DLG2: variants seen among roughly 807,000 people sequenced by gnomAD.
DLG2 encodes disks large homolog 2.
In DLG2, 45 loss-of-function variants were observed where a neutral mutation model predicts 132.5. That is an observed-to-expected ratio of 0.34 (90% CI 0.27 to 0.44). The LOEUF is 0.44. Ranked by LOEUF, DLG2 falls within the 20% of genes least tolerant of loss-of-function variation. DLG2 has a pLI of 1.00. For missense variants in DLG2, 1,045 were observed against 1,196.9 expected (o/e 0.87, Z 1.87); for synonymous variants, 424 against 419.6 (o/e 1.01, Z -0.13).
rs144685101 is a variant in DLG2 at position 84,732,546 on chromosome 11, T to G, written c.358-197815A>C. 2.3e-3 allele frequency among the ~76,000 whole-genome samples: 350 copies of G among 152,120 alleles called. 3 individuals carry two copies. The highest frequency in any genetic ancestry group is 8.0e-3 in the African/African-American group (332 of 41,546). On this transcript the variant is annotated intron_variant, in intron 6 of 27. Transcript: ENST00000376104. The stretch of plus-strand genomic sequence containing the variant: ...GTTGAACATCTTTTCATGTGGTTTT[T>G]TTCCCTGCTATCTTTGGTAAAGTAT...
chr11:84,975,975 G>T (rs919895350), intron 6 of DLG2, among the ~76,000 whole-genome samples: 9 of 152,000 alleles, frequency 5.9e-5, no homozygotes, highest in Admixed American at 2.0e-4. Flanking sequence ...TCACTTTCTT[G>T]GCACCTTGCA....
At chr11:85,622,842 G>C (rs946245422) in intron 2 of DLG2, among the ~76,000 whole-genome samples, 1 of 152,052 alleles carries the variant, frequency 6.6e-6, no homozygotes, top group Admixed American at 6.6e-5. Context: ...GGTGGATAAC[G>C]AGGTCAGGAG....
Position 84,417,636 on chromosome 11 carries a change from T to C in DLG2, c.519+116934A>G, listed in dbSNP as rs192875164. Among the ~76,000 whole-genome samples the C allele has an allele frequency of 1.8e-3, 281 of 152,258 alleles. 3 individuals carry two copies. The highest frequency in any genetic ancestry group is 6.2e-3 in the African/African-American group (256 of 41,582). ...CATACCCAACCCTGACCCATGCCCA[T>C]CTTCTCTGCCCACCTTGCCCCTTTA... On this transcript the variant is annotated intron_variant, in intron 7 of 27. Coordinates refer to ENST00000376104, the MANE Select transcript of DLG2 (RefSeq NM_001142699.3).
Position 84,810,118 on chromosome 11 carries a change from T to C in DLG2, c.358-275387A>G, listed in dbSNP as rs1427007219. On this transcript the variant is annotated intron_variant, in intron 6 of 27. Transcript: ENST00000376104. ...AAAAGAAAAAACTGATAAACTGGAT[T>C]TAATCAAAATTGAAAACACTGCACT... Among the ~76,000 whole-genome samples the C allele has an allele frequency of 2.0e-5, 3 of 152,050 alleles. No individual in the cohort carries two copies. The East Asian group carries it at 5.8e-4, about 29-fold the overall frequency.
At chr11:84,669,533 T>G (rs115559774) in intron 6 of DLG2, among the ~76,000 whole-genome samples, 1 of 152,224 alleles carries the variant, frequency 6.6e-6, no homozygotes, top group African/African-American at 2.4e-5. Flanking sequence ...ACTCCTTCAC[T>G]TCTTTTGACA....
chr11:84,796,301 C>T (rs1304224579), intron 6 of DLG2, among the ~76,000 whole-genome samples: 1 of 152,046 alleles, frequency 6.6e-6, no homozygotes, highest in Non-Finnish European at 1.5e-5. Flanking sequence ...ACTTTGTCTC[C>T]CTGCTTTTTA....
intron 9 of DLG2, among the ~76,000 whole-genome samples, chr11:84,144,499 G>A (rs1435683442): frequency 1.3e-5 from 2 of 152,114 alleles, no homozygotes; most frequent in East Asian, 3.9e-4. Flanking sequence ...ATGGAGGCCA[G>A]GGTATCAATT....
At chr11:85,286,545 A>G (rs2152762410) in intron 3 of DLG2, among the ~76,000 whole-genome samples, 1 of 152,262 alleles carries the variant, frequency 6.6e-6, no homozygotes, top group African/African-American at 2.4e-5. Flanking sequence ...ATTGCTAAAG[A>G]GTAATGAACA....
intron 8 of DLG2, among the ~76,000 whole-genome samples, chr11:84,244,912 G>A (rs964521230): frequency 6.6e-6 from 1 of 152,132 alleles, no homozygotes; most frequent in Non-Finnish European, 1.5e-5. Flanking sequence ...CCAATCAAAA[G>A]TGAATCATAG....
intron 6 of DLG2, among the ~76,000 whole-genome samples, chr11:84,857,680 A>C (rs2082972468): frequency 6.6e-6 from 1 of 152,042 alleles, no homozygotes; most frequent in Non-Finnish European, 1.5e-5. Context: ...CCACTTTGCT[A>C]TGTCTCCCCA....
At chr11:84,903,725 A>G (rs903411176) in intron 6 of DLG2, among the ~76,000 whole-genome samples, 2 of 152,164 alleles carry the variant, frequency 1.3e-5, no homozygotes, top group Non-Finnish European at 2.9e-5. Flanking sequence ...TACTTCAAAA[A>G]GTTTTAGTAA....
intron 21 of DLG2, among the ~76,000 whole-genome samples, chr11:83,527,462 G>C (rs533477821): frequency 6.6e-6 from 1 of 152,260 alleles, no homozygotes; most frequent in African/African-American, 2.4e-5. Flanking sequence ...TGGGATTCCA[G>C]CACTTTGGGA....
At chr11:85,263,054 T>TC (rs976831558) in intron 4 of DLG2, among the ~76,000 whole-genome samples, 14 of 151,938 alleles carry the variant, frequency 9.2e-5, no homozygotes, top group African/African-American at 3.4e-4. Flanking sequence ...TCTCAGGGCA[T>TC]CCCCCCAGGA....
intron 7 of DLG2, among the ~76,000 whole-genome samples, chr11:84,282,010 C>A (rs1170355523): frequency 6.6e-6 from 1 of 152,056 alleles, no homozygotes; most frequent in South Asian, 2.1e-4. Flanking sequence ...TGATTCTGCT[C>A]CTAGGCATTT....
intron 3 of DLG2, among the ~76,000 whole-genome samples, chr11:85,346,408 T>C (rs2082851506): frequency 6.6e-6 from 1 of 152,088 alleles, no homozygotes; most frequent in African/African-American, 2.4e-5. Context: ...CAGGATGGTC[T>C]TGATCTCCTG....
chr11:83,495,125 C>T (rs1447861846), intron 21 of DLG2, among the ~76,000 whole-genome samples: 1 of 152,080 alleles, frequency 6.6e-6, no homozygotes, highest in Non-Finnish European at 1.5e-5. Context: ...CTCTGATGTG[C>T]TCAGAACGGA....
intron 6 of DLG2, among the ~76,000 whole-genome samples, chr11:84,551,305 T>C (rs2099401351): frequency 6.6e-6 from 1 of 152,176 alleles, no homozygotes; most frequent in African/African-American, 2.4e-5. Context: ...TAAAAGCATA[T>C]TTATACTTGA....
chr11:84,455,965 T>C (rs1468188278), intron 7 of DLG2, among the ~76,000 whole-genome samples: 2 of 151,316 alleles, frequency 1.3e-5, no homozygotes, highest in African/African-American at 4.8e-5. Flanking sequence ...TAAAGGAATT[T>C]GGCTCACATT....
At chr11:85,116,482 T>C (rs1479182125) in intron 5 of DLG2, among the ~76,000 whole-genome samples, 1 of 152,008 alleles carries the variant, frequency 6.6e-6, no homozygotes, top group East Asian at 1.9e-4. Flanking sequence ...AATGTGTCTA[T>C]AGATACATAT....
Sources: allele counts gnomAD v4.1 joint callset (sites outside exome capture counted in the v4.1 genomes callset), GRCh38; gene constraint gnomAD v4.1.1; transcripts MANE v1.5; gene names NCBI Gene and HGNC (gene_info 2026-07-23, HGNC 2026-07-21).